Variants in STRADB observed in about 807,000 individuals in gnomAD.
The protein encoded by STRADB is STE20 related adaptor beta.
Under a neutral mutation model 52.1 loss-of-function variants are expected in STRADB, and 34 were observed. That is an observed-to-expected ratio of 0.65 (90% CI 0.50 to 0.87). STRADB has a LOEUF of 0.87. STRADB is among the 40% of genes least tolerant of loss of function. The pLI, the probability that STRADB is intolerant of heterozygous loss-of-function variation, is 0.00. For missense variants in STRADB, 340 were observed against 483.9 expected (o/e 0.70, Z 2.79); for synonymous variants, 133 against 174.5 (o/e 0.76, Z 1.87).
At chr2:201,477,843 T>C (rs1952503451) in intron 8 of STRADB, 53 bp downstream of exon 8, 1 of 1,590,804 alleles carries the variant, frequency 6.3e-7, no homozygotes, top group Non-Finnish European at 8.6e-7. Context: ...TCTTCTGAGT[T>C]TGGCTAAAGT....
intron 8 of STRADB, 48 bp downstream of exon 8, chr2:201,477,838 T>C: frequency 6.3e-7 from 1 of 1,595,366 alleles, no homozygotes; most frequent in African/African-American, 1.3e-5. Flanking sequence ...AAGTGTCTTC[T>C]GAGTTTGGCT....
At chr2:201,474,556 C>G in intron 5 of STRADB, 91 bp from the exon 6 acceptor site, 1 of 1,019,982 alleles carries the variant, frequency 9.8e-7, no homozygotes, top group Non-Finnish European at 1.5e-6. Flanking sequence ...CTAATAAGCA[C>G]CCTTGAGTAT....
chr2:201,461,935 G>T (rs1213176565), intron 3 of STRADB, among the ~76,000 whole-genome samples: 1 of 152,178 alleles, frequency 6.6e-6, no homozygotes, highest in African/African-American at 2.4e-5. Context: ...TTATTGAAGA[G>T]ACTATCCTTT....
At position 201,479,533 on chromosome 2, in the gene STRADB, T is replaced by G; in HGVS notation, c.1113+2T>G. 6.2e-7 allele frequency: 1 copy of G among 1,601,626 alleles called. No homozygotes were observed. Among genetic ancestry groups the G allele is most frequent in the Non-Finnish European group, 8.5e-7 (1 of 1,177,254 alleles). On this transcript the variant is annotated splice_donor_variant, in intron 11 of 11. Transcript: ENST00000194530. LOFTEE classifies it high-confidence loss of function. Reference sequence around the variant, plus strand: ...TTGTCCCATGTTTTCTTCAAACAGGTGAGCTGATCTATCATCCGTTGTCTC... The same window carrying G: ...TTGTCCCATGTTTTCTTCAAACAGGGGAGCTGATCTATCATCCGTTGTCTC...
At position 201,451,818 on chromosome 2, in the gene STRADB, C is replaced by T. The variant is rs1952045136; in HGVS notation, c.-216C>T. 1 of 152,178 alleles carries T rather than the reference C, an allele frequency of 6.6e-6. No individual in the cohort carries two copies. The highest frequency in any genetic ancestry group is 6.6e-5 in the Admixed American group (1 of 15,264). 9.4% of individuals were successfully genotyped at this position (152,178 alleles called of 1,614,324 possible). ...TCGCGGCCTCGCCGCCCTCCCGCGC[C>T]CCGCGCCGGGAGCGGGCCTAGAGCG... On this transcript the variant is annotated 5_prime_UTR_variant, in exon 1 of 12. Coordinates refer to ENST00000194530, the MANE Select transcript of STRADB (RefSeq NM_018571.6).
chr2:201,475,784 G>T, intron 7 of STRADB, 42 bp downstream of exon 7: 1 of 1,551,692 alleles, frequency 6.4e-7, no homozygotes, highest in Non-Finnish European at 8.7e-7. Flanking sequence ...TAATTTTAAT[G>T]GAAGAACTCT....
chr2:201,469,048 T>C (rs1270512010), intron 3 of STRADB, among the ~76,000 whole-genome samples: 1 of 152,236 alleles, frequency 6.6e-6, no homozygotes. Context: ...CATGGGTTTA[T>C]AATTCCTTTT....
At chr2:201,459,144 C>A (rs1337254356) in intron 3 of STRADB, among the ~76,000 whole-genome samples, 2 of 152,138 alleles carry the variant, frequency 1.3e-5, no homozygotes, top group Non-Finnish European at 2.9e-5. Flanking sequence ...CTGGCCATTT[C>A]TCTTCTTCCT....
At chr2:201,454,073 G>C (rs778081225) in intron 1 of STRADB, among the ~76,000 whole-genome samples, 1 of 152,166 alleles carries the variant, frequency 6.6e-6, no homozygotes, top group Non-Finnish European at 1.5e-5. Context: ...GCACAATTTA[G>C]ATGAAAGAGA....
chr2:201,476,053 G>C (rs962589113), intron 7 of STRADB, among the ~76,000 whole-genome samples: 8 of 152,182 alleles, frequency 5.3e-5, no homozygotes, highest in African/African-American at 1.9e-4. Context: ...TGGGATCCTA[G>C]TTAGCTGGGT....
At chr2:201,474,091 C>T (rs547167717) in intron 5 of STRADB, among the ~76,000 whole-genome samples, 4 of 152,082 alleles carry the variant, frequency 2.6e-5, no homozygotes, top group Admixed American at 1.3e-4. Flanking sequence ...GGGGTTTCAC[C>T]GTGTTAGCCA....
intron 3 of STRADB, 130 bp from the exon 4 acceptor site, chr2:201,469,823 C>T: frequency 1.5e-6 from 1 of 651,288 alleles, no homozygotes; most frequent in Non-Finnish European, 2.7e-6. Flanking sequence ...AAAACAGTGT[C>T]TTAAGCCACC....
chr2:201,461,600 G>A (rs560226415), intron 3 of STRADB, among the ~76,000 whole-genome samples: 8 of 152,148 alleles, frequency 5.3e-5, no homozygotes, highest in African/African-American at 1.9e-4. Context: ...CTTATCAGAT[G>A]GGTAATTTGC....
intron 3 of STRADB, among the ~76,000 whole-genome samples, chr2:201,461,531 A>G (rs1174165300): frequency 6.6e-6 from 1 of 152,096 alleles, no homozygotes; most frequent in Non-Finnish European, 1.5e-5. Flanking sequence ...TTTAAATCAG[A>G]TTGTTAGATT....
At chr2:201,473,343 G>A (rs1341665138) in intron 5 of STRADB, among the ~76,000 whole-genome samples, 2 of 152,168 alleles carry the variant, frequency 1.3e-5, no homozygotes, top group Non-Finnish European at 2.9e-5. Context: ...AGGGACTTGA[G>A]CATTTTTAGA....
intron 6 of STRADB, among the ~76,000 whole-genome samples, chr2:201,474,974 C>A (rs1952449043): frequency 6.6e-6 from 1 of 152,176 alleles, no homozygotes; most frequent in African/African-American, 2.4e-5. Context: ...ACTGCTTTTC[C>A]AAGAATTCCG....
At chr2:201,454,498 A>G (rs761520486) in intron 1 of STRADB, among the ~76,000 whole-genome samples, 6 of 152,226 alleles carry the variant, frequency 3.9e-5, no homozygotes, top group Non-Finnish European at 5.9e-5. Flanking sequence ...GAGGCTTTGG[A>G]AATATTCAGG....
intron 3 of STRADB, 82 bp downstream of exon 3, chr2:201,458,946 G>A: frequency 7.9e-7 from 1 of 1,259,588 alleles, no homozygotes; most frequent in Non-Finnish European, 1.1e-6. Flanking sequence ...AGAATCACTT[G>A]AGCCTAGGAG....
intron 4 of STRADB, 153 bp from the exon 5 acceptor site, chr2:201,472,802 A>G (rs1574291002): frequency 9.5e-6 from 6 of 632,022 alleles, no homozygotes; most frequent in African/African-American, 1.9e-5. Flanking sequence ...GGATTGCTTG[A>G]TAAGTATTAT....
Sources: gnomAD v4.1 joint callset for allele counts (sites outside exome capture counted in the v4.1 genomes callset) on GRCh38, gnomAD v4.1.1 for gene constraint, MANE v1.5 for transcripts, NCBI Gene and HGNC (gene_info 2026-07-23, HGNC 2026-07-21) for gene names.